The following RAB11FIP3 variants were observed in gnomAD, a reference collection of about 807,000 sequenced individuals.
The protein encoded by RAB11FIP3 is rab11 family-interacting protein 3.
Under a neutral mutation model 77.8 loss-of-function variants are expected in RAB11FIP3, and 17 were observed. That is an observed-to-expected ratio of 0.22 (90% CI 0.15 to 0.33). The LOEUF (loss-of-function observed/expected upper bound fraction) is 0.33, where lower values mean the gene tolerates loss of function less well. RAB11FIP3 is among the 10% of genes least tolerant of loss of function. The pLI is 1.00. For synonymous variants in RAB11FIP3, 437 were observed against 448.2 expected (o/e 0.98, Z 0.31); for missense variants, 1,005 against 1,011.2 (o/e 0.99, Z 0.08).
At chr16:450,430 C>T (rs1328911992) in intron 1 of RAB11FIP3, among the ~76,000 whole-genome samples, 1 of 152,190 alleles carries the variant, frequency 6.6e-6, no homozygotes, top group East Asian at 1.9e-4. Flanking sequence ...AAGTGATCCC[C>T]TGGCCTCCAA....
intron 1 of RAB11FIP3, among the ~76,000 whole-genome samples, chr16:428,509 A>G (rs1054541308): frequency 1.3e-5 from 2 of 152,144 alleles, no homozygotes; most frequent in Non-Finnish European, 2.9e-5. Flanking sequence ...AACTCTTGAT[A>G]GAGAACTTCT....
intron 9 of RAB11FIP3, among the ~76,000 whole-genome samples, chr16:511,787 G>A (rs1480753413): frequency 1.0e-4 from 10 of 96,878 alleles, no homozygotes; most frequent in African/African-American, 1.4e-4. Flanking sequence ...GGTTCCTGAC[G>A]GCCCGCCCAC....
chr16:509,580 C>T (rs2032033416), intron 8 of RAB11FIP3, among the ~76,000 whole-genome samples: 1 of 152,250 alleles, frequency 6.6e-6, no homozygotes. Context: ...CTGTCTCCTG[C>T]GGATGGTTGT....
rs774775366 is a variant in RAB11FIP3 at position 426,707 on chromosome 16, A to G, written c.701A>G (p.Tyr234Cys). 3.3e-6 allele frequency: 5 copies of G among 1,520,388 alleles called. No homozygotes were observed. The highest frequency in any genetic ancestry group is 4.4e-6 in the Non-Finnish European group (5 of 1,133,450). The allele number at this position is 1,520,388 out of a possible 1,614,324, so 94.2% of individuals were successfully genotyped here. A position where few individuals can be genotyped will look rare whatever the true frequency, so the allele number is the denominator to read the frequency against. The change falls in exon 1 of 14, where the codon TAC (tyrosine) becomes TGC (cysteine). Residue 234 changes from tyrosine (Y) to cysteine (C), a missense_variant. By Grantham distance (194) the Tyr-to-Cys change is radical. Transcript: ENST00000262305. This position sits in a 1 kb window ranked among gnomAD's most constrained non-coding sequence, Gnocchi z 5.0. ...GACTTCATCCAGTTTGCTACGGTCT[A>G]CGGGGCAGAGCAGGTACGGAGCGGC... ...IEDFIQFATVYGAEQVKDLTK... is the reference protein window; with the variant it reads ...IEDFIQFATVCGAEQVKDLTK...
At chr16:475,006 C>T (rs371647190) in intron 3 of RAB11FIP3, 107 of 1,551,700 alleles carry the variant, frequency 6.9e-5, no homozygotes, top group African/African-American at 1.1e-4. Flanking sequence ...GACGGAGACA[C>T]GATGGGGAGC....
chr16:488,986 T>C lies in RAB11FIP3; in HGVS notation c.1251T>C (p.Ala417=), dbSNP rs772358681. ...GGCAGCTGGGCTGCAGTGACCCCGC[T>C]TTCCTCACGCCCAGGTAATGACGCC... is the stretch of plus-strand genomic sequence containing the variant. ...CNGQLGCSDP[A]FLTPSPTKRL... is the part of the protein sequence containing the mutation. Residue 417 remains alanine (A), a synonymous_variant, in exon 5 of 14, where the codon GCT becomes GCC. Coordinates refer to ENST00000262305, the MANE Select transcript of RAB11FIP3 (RefSeq NM_014700.4). 6.2e-7 allele frequency: 1 copy of C among 1,613,796 alleles called. No homozygotes were observed. The highest frequency in any genetic ancestry group is 8.5e-7 in the Non-Finnish European group (1 of 1,179,908).
At chr16:454,859 G>C (rs541290921) in intron 1 of RAB11FIP3, among the ~76,000 whole-genome samples, 1 of 152,076 alleles carries the variant, frequency 6.6e-6, no homozygotes, top group East Asian at 1.9e-4. Context: ...AGACCAGCTT[G>C]GCTAACATGG....
chr16:491,925 T>G (rs1022637079), intron 5 of RAB11FIP3, among the ~76,000 whole-genome samples: 27 of 152,078 alleles, frequency 1.8e-4, no homozygotes, highest in African/African-American at 6.5e-4. Flanking sequence ...AAGAGGTGAG[T>G]GAGCATACAG....
intron 1 of RAB11FIP3, among the ~76,000 whole-genome samples, chr16:437,361 G>C (rs994527893): frequency 6.6e-6 from 1 of 151,714 alleles, no homozygotes; most frequent in Non-Finnish European, 1.5e-5. Flanking sequence ...CTGAGGTCAG[G>C]ATTTCTAGAC....
At chr16:470,655 A>G (rs1320778861) in intron 2 of RAB11FIP3, among the ~76,000 whole-genome samples, 1 of 152,172 alleles carries the variant, frequency 6.6e-6, no homozygotes. Flanking sequence ...CTTTTCCTAC[A>G]GGAGGAGAGG....
chr16:481,549 C>T (rs1318794080), intron 3 of RAB11FIP3, among the ~76,000 whole-genome samples: 4 of 151,808 alleles, frequency 2.6e-5, no homozygotes, highest in East Asian at 3.9e-4. Context: ...CAAGCTCCTC[C>T]GTCAGTCTCT....
rs183118200 is a variant in RAB11FIP3 at position 428,981 on chromosome 16, C to T, written c.714+2261C>T. Among the ~76,000 whole-genome samples, 43 of 152,146 alleles carry T rather than the reference C, an allele frequency of 2.8e-4. 1 individual carries two copies. Among genetic ancestry groups the T allele is most frequent in the African/African-American group, 8.9e-4 (37 of 41,472 alleles). ...AGGATGGGGAAGTGGAAGGGATCTC[C>T]TGTGGTATTACTCCTTGTCTGTTCT... On this transcript the variant is annotated intron_variant, in intron 1 of 13. Coordinates refer to ENST00000262305, the MANE Select transcript of RAB11FIP3 (RefSeq NM_014700.4).
chr16:488,877 T>G lies in RAB11FIP3; in HGVS notation c.1142T>G (p.Ile381Ser). ...CCTCACCCCCATGGCCAGTCTGTCA[T>G]CACGGTGATCGGGGGCGAGGAGCAC... The part of the protein sequence containing the change: ...GRPHPHGQSV[I>S]TVIGGEEHFE... The change falls in exon 5 of 14, where the codon ATC (isoleucine) becomes AGC (serine). Residue 381 changes from isoleucine to serine, a missense_variant. Coordinates refer to ENST00000262305, the MANE Select transcript of RAB11FIP3 (RefSeq NM_014700.4). 1 of 1,614,064 alleles carries G rather than the reference T, an allele frequency of 6.2e-7. No individual in the cohort carries two copies. The highest frequency in any genetic ancestry group is 8.5e-7 in the Non-Finnish European group (1 of 1,179,996).
At chr16:463,430 G>GTTT (rs142875972) in intron 2 of RAB11FIP3, among the ~76,000 whole-genome samples, 25 of 82,258 alleles carry the variant, frequency 3.0e-4, no homozygotes, top group South Asian at 4.2e-4. Context: ...TTGTTCCCCG[G>GTTT]TTTTTTTTTT....
intron 1 of RAB11FIP3, among the ~76,000 whole-genome samples, chr16:459,875 C>CTTTT (rs1170379362): frequency 1.0e-4 from 12 of 119,314 alleles, no homozygotes; most frequent in African/African-American, 1.2e-4. Context: ...ATTGAGTTGT[C>CTTTT]TTTTTTTTTT....
intron 9 of RAB11FIP3, among the ~76,000 whole-genome samples, chr16:518,211 T>C (rs1402044938): frequency 2.0e-5 from 3 of 152,226 alleles, no homozygotes; most frequent in African/African-American, 4.8e-5. Context: ...CTCAAGTAGC[T>C]GGAGCTACAG....
Position 426,427 on chromosome 16 carries a change from G to A in RAB11FIP3, c.421G>A (p.Ala141Thr). ...TGGCCCCGCGAGCTGCCCGGAGAGCGCGCCTTTCCGCTTGCAGGGGTCCAG... is the reference window on the plus strand; with the variant it reads ...TGGCCCCGCGAGCTGCCCGGAGAGCACGCCTTTCCGCTTGCAGGGGTCCAG... ...ECGPASCPES[A>T]PFRLQGSSSS... The change falls in exon 1 of 14, where the codon GCG (alanine) becomes ACG (threonine). Residue 141 changes from alanine to threonine, a missense_variant. Coordinates refer to ENST00000262305, the MANE Select transcript of RAB11FIP3 (RefSeq NM_014700.4). The surrounding 1 kb of genome is among the most constrained non-coding windows in gnomAD (Gnocchi z 5.0). The A allele has an allele frequency of 6.3e-7, 1 of 1,584,080 alleles. No individual in the cohort carries two copies. The highest frequency in any genetic ancestry group is 8.6e-7 in the Non-Finnish European group (1 of 1,166,726).
chr16:461,648 C>G lies in RAB11FIP3; in HGVS notation c.808+151C>G. 1.7e-6 allele frequency: 1 copy of G among 602,352 alleles called. No homozygotes were observed. The allele number at this position is 602,352 out of a possible 1,614,324, so 37.3% of individuals were successfully genotyped here. A position where few individuals can be genotyped will look rare whatever the true frequency, so the allele number is the denominator to read the frequency against. On this transcript the variant is annotated intron_variant, in intron 2 of 13. Transcript: ENST00000262305. The surrounding 1 kb of genome is among the most constrained non-coding windows in gnomAD (Gnocchi z 4.5). ...CATACCCCAGGTTTCCAGGTGGTCT[C>G]TTTCCTTTCTTGTTACCTTCTCCTC...
intron 3 of RAB11FIP3, among the ~76,000 whole-genome samples, chr16:473,038 C>T (rs147589017): frequency 2.0e-5 from 3 of 152,116 alleles, no homozygotes; most frequent in African/African-American, 4.8e-5. Context: ...CAGCCCTGCT[C>T]ACACCTTGGC....
Sources: allele counts gnomAD v4.1 joint callset (sites outside exome capture counted in the v4.1 genomes callset), GRCh38; gene constraint gnomAD v4.1.1; non-coding constraint Gnocchi (gnomAD v3.1); transcripts MANE v1.5; gene names NCBI Gene and HGNC (gene_info 2026-07-23, HGNC 2026-07-21).